OCIAD1: variants seen among roughly 807,000 people sequenced by gnomAD.
The protein encoded by OCIAD1 is OCIA domain containing 1.
In OCIAD1, 29 loss-of-function variants were observed where a neutral mutation model predicts 38.9. That is an observed-to-expected ratio of 0.74 (90% CI 0.55 to 1.02). The LOEUF (loss-of-function observed/expected upper bound fraction) is 1.02. Among genes scored for constraint, OCIAD1 ranks in the 50% least tolerant of loss-of-function variants. OCIAD1 has a pLI of 0.00. For missense variants in OCIAD1, 288 were observed against 289.6 expected (o/e 0.99, Z 0.04); for synonymous variants, 110 against 92.0 (o/e 1.20, Z -1.12).
upstream of OCIAD1, among the ~76,000 whole-genome samples, chr4:48,829,330 A>G (rs1316490014): frequency 6.6e-6 from 1 of 151,034 alleles, no homozygotes; most frequent in Non-Finnish European, 1.5e-5. Context: ...TAATTTTTTT[A>G]TTTTTGTTTC....
rs113768922 is a variant in OCIAD1 at position 48,833,144 on chromosome 4, G to T, written c.59-257G>T. Reference sequence around the variant, plus strand: ...TGGGTGCCTGTAATCCCAGCTACTCGGAAGGCTGAGGCAGGAGAATCGCTT... The same window carrying T: ...TGGGTGCCTGTAATCCCAGCTACTCTGAAGGCTGAGGCAGGAGAATCGCTT... On this transcript the variant is annotated intron_variant, in intron 2 of 8. Transcript: ENST00000264312. Among the ~76,000 whole-genome samples the T allele has an allele frequency of 6.6e-3, 998 of 152,076 alleles. 14 individuals are homozygous for T. Among genetic ancestry groups the T allele is most frequent in the African/African-American group, 0.023 (959 of 41,498 alleles).
intron 8 of OCIAD1, among the ~76,000 whole-genome samples, chr4:48,859,704 C>T (rs1780430094): frequency 6.6e-6 from 1 of 152,122 alleles, no homozygotes; most frequent in Non-Finnish European, 1.5e-5. Context: ...TAGTTTCAGT[C>T]ATTTTCTGAA....
intron 7 of OCIAD1, among the ~76,000 whole-genome samples, chr4:48,853,121 C>T (rs1237886938): frequency 4.6e-5 from 7 of 151,706 alleles, no homozygotes; most frequent in South Asian, 2.1e-4. Context: ...CCTCGTGATC[C>T]GCCCGCCTCG....
chr4:48,849,323 A>C (rs948770775), intron 5 of OCIAD1, among the ~76,000 whole-genome samples: 1 of 152,102 alleles, frequency 6.6e-6, no homozygotes, highest in Non-Finnish European at 1.5e-5. Flanking sequence ...TAAATAAATA[A>C]AAGAAAAAGA....
At chr4:48,838,243 G>A (rs1778183216) in intron 3 of OCIAD1, among the ~76,000 whole-genome samples, 1 of 151,684 alleles carries the variant, frequency 6.6e-6, no homozygotes, top group Non-Finnish European at 1.5e-5. Flanking sequence ...GCTTGAACCC[G>A]GGAGGCAGAG....
At chr4:48,825,153 CCAGA>C (rs1777236473) in intron 1 of OCIAD1, among the ~76,000 whole-genome samples, 1 of 152,226 alleles carries the variant, frequency 6.6e-6, no homozygotes, top group Non-Finnish European at 1.5e-5. Context: ...CCCCAAAAGT[CCAGA>C]CATGCCCAAT....
chr4:48,823,306 C>A (rs145703424), intron 1 of OCIAD1, among the ~76,000 whole-genome samples: 1 of 151,918 alleles, frequency 6.6e-6, no homozygotes, highest in Non-Finnish European at 1.5e-5. Flanking sequence ...AACCAAACAC[C>A]GCATGTTCTC....
Position 48,831,170 on chromosome 4 carries a change from C to G in OCIAD1, c.-85C>G. On this transcript the variant is annotated 5_prime_UTR_variant, in exon 1 of 9. Coordinates refer to ENST00000264312, the MANE Select transcript of OCIAD1 (RefSeq NM_017830.4). ...CCTTGCACTTTTCTCCCTCCCTGCC[C>G]CCTCTCGAGTCCACCCTCCGGGCCT... is the stretch of plus-strand genomic sequence containing the variant. The G allele has an allele frequency of 3.1e-6, 1 of 322,122 alleles. No homozygotes were observed. The highest frequency in any genetic ancestry group is 2.2e-5 in the African/African-American group (1 of 46,292). The allele number at this position is 322,122 out of a possible 1,614,324, so 20.0% of individuals were successfully genotyped here. A position where few individuals can be genotyped will look rare whatever the true frequency, so the allele number is the denominator to read the frequency against.
At chr4:48,818,518 C>T (rs191412555) in intron 1 of OCIAD1, among the ~76,000 whole-genome samples, 1 of 152,296 alleles carries the variant, frequency 6.6e-6, no homozygotes, top group East Asian at 1.9e-4. Context: ...GCCTATTCTC[C>T]TCCAAATGAT....
intron 3 of OCIAD1, chr4:48,837,193 TC>T (rs1388919462): frequency 6.6e-6 from 1 of 151,522 alleles, no homozygotes. Flanking sequence ...CAGGATGGTC[TC>T]CATCTCCTGA....
intron 1 of OCIAD1, among the ~76,000 whole-genome samples, chr4:48,824,989 G>C (rs1365465393): frequency 6.6e-6 from 1 of 152,160 alleles, no homozygotes; most frequent in Non-Finnish European, 1.5e-5. Flanking sequence ...GCCCACCTTG[G>C]CATCCCAAAG....
intron 4 of OCIAD1, among the ~76,000 whole-genome samples, chr4:48,845,663 C>T (rs1238525495): frequency 6.6e-6 from 1 of 152,054 alleles, no homozygotes; most frequent in East Asian, 1.9e-4. Flanking sequence ...ATATGTATGG[C>T]CCTTCTATAG....
intron 1 of OCIAD1, among the ~76,000 whole-genome samples, chr4:48,805,524 C>T (rs1260914901): frequency 6.6e-6 from 1 of 152,038 alleles, no homozygotes; most frequent in Admixed American, 6.6e-5. Context: ...AATTCTATAA[C>T]TTACTTTGGA....
At chr4:48,846,949 A>G (rs894886206) in intron 4 of OCIAD1, among the ~76,000 whole-genome samples, 7 of 152,052 alleles carry the variant, frequency 4.6e-5, no homozygotes, top group South Asian at 2.1e-4. Flanking sequence ...GTAGTTTTCA[A>G]TTTTCACTGT....
At chr4:48,850,634 C>T (rs1442750358) in intron 6 of OCIAD1, among the ~76,000 whole-genome samples, 3 of 152,092 alleles carry the variant, frequency 2.0e-5, no homozygotes, top group African/African-American at 7.2e-5. Context: ...AGTACAGTGG[C>T]GTGATCTCGG....
chr4:48,837,702 A>T (rs1271063053), intron 3 of OCIAD1, among the ~76,000 whole-genome samples: 1 of 147,518 alleles, frequency 6.8e-6, no homozygotes, highest in Non-Finnish European at 1.5e-5. Flanking sequence ...GGATAAAATG[A>T]TCTATTTTTA....
upstream of OCIAD1, among the ~76,000 whole-genome samples, chr4:48,826,272 T>C (rs1002245000): frequency 5.3e-5 from 8 of 152,144 alleles, no homozygotes; most frequent in African/African-American, 1.7e-4. Flanking sequence ...AATTTAGCAT[T>C]AGGTATATCT....
intron 4 of OCIAD1, among the ~76,000 whole-genome samples, chr4:48,844,359 G>A (rs1251165256): frequency 6.6e-6 from 1 of 151,970 alleles, no homozygotes. Flanking sequence ...TTGAGGGTAC[G>A]GTAGAAGTGA....
chr4:48,809,399 C>T (rs955262106), intron 1 of OCIAD1, among the ~76,000 whole-genome samples: 7 of 151,762 alleles, frequency 4.6e-5, no homozygotes, highest in East Asian at 1.9e-4. Flanking sequence ...TGGTGGGCGC[C>T]AATAATCCCA....
Sources: gnomAD v4.1 joint callset for allele counts (sites outside exome capture counted in the v4.1 genomes callset) on GRCh38, gnomAD v4.1.1 for gene constraint, MANE v1.5 for transcripts, NCBI Gene and HGNC (gene_info 2026-07-23, HGNC 2026-07-21) for gene names.